The following HECW2 variants were observed in gnomAD, a reference collection of about 807,000 sequenced individuals.
HECW2 encodes HECT, C2 and WW domain containing E3 ubiquitin protein ligase 2, also known as E3 ubiquitin-protein ligase HECW2.
A neutral mutation model predicts 175.2 loss-of-function variants in HECW2; 61 were observed. That is an observed-to-expected ratio of 0.35 (90% CI 0.28 to 0.43). The LOEUF is 0.43. HECW2 is among the 20% of genes least tolerant of loss of function. The pLI is 1.00. For missense variants in HECW2, 1,524 were observed against 2,000.5 expected (o/e 0.76, Z 4.54); for synonymous variants, 671 against 731.0 (o/e 0.92, Z 1.32).
At chr2:196,216,237 C>T (rs1460532659) in intron 27 of HECW2, among the ~76,000 whole-genome samples, 1 of 152,192 alleles carries the variant, frequency 6.6e-6, no homozygotes. Flanking sequence ...ATGCAGCTGA[C>T]CAGCTCAGAA....
At chr2:196,277,563 T>C (rs1224764870) in intron 15 of HECW2, among the ~76,000 whole-genome samples, 1 of 152,134 alleles carries the variant, frequency 6.6e-6, no homozygotes, top group East Asian at 1.9e-4. Flanking sequence ...TGGAAGACAG[T>C]GTGGCGATTC....
chr2:196,531,109 T>G, intron 1 of HECW2, among the ~76,000 whole-genome samples: 1 of 152,232 alleles, frequency 6.6e-6, no homozygotes, highest in South Asian at 2.1e-4. Flanking sequence ...TTTTACGCAC[T>G]GTGGTTCATT....
At chr2:196,583,755 G>T (rs1400766490) in intron 1 of HECW2, among the ~76,000 whole-genome samples, 1 of 152,174 alleles carries the variant, frequency 6.6e-6, no homozygotes, top group Non-Finnish European at 1.5e-5. Context: ...AGAAATAGAT[G>T]GTTCCTTTAG....
chr2:196,354,447 T>G (rs951348564), intron 2 of HECW2, among the ~76,000 whole-genome samples: 4 of 152,268 alleles, frequency 2.6e-5, no homozygotes, highest in African/African-American at 9.6e-5. Context: ...TGGCCCTGGG[T>G]TCCACACTGG....
chr2:196,420,407 G>GT (rs1470965140), intron 2 of HECW2, among the ~76,000 whole-genome samples: 1 of 152,214 alleles, frequency 6.6e-6, no homozygotes, highest in Non-Finnish European at 1.5e-5. Flanking sequence ...GATTGCAAGC[G>GT]TAAGATTGGT....
intron 2 of HECW2, among the ~76,000 whole-genome samples, chr2:196,385,443 C>G (rs924792052): frequency 2.6e-5 from 4 of 152,154 alleles, no homozygotes; most frequent in Non-Finnish European, 5.9e-5. Context: ...TGCAGAACTT[C>G]TTCCTAAAAT....
At chr2:196,367,419 A>G (rs1693774179) in intron 2 of HECW2, among the ~76,000 whole-genome samples, 1 of 152,188 alleles carries the variant, frequency 6.6e-6, no homozygotes, top group South Asian at 2.1e-4. Context: ...CAGGCATACA[A>G]TGCATAATAA....
chr2:196,443,340 T>G (rs918835259), intron 1 of HECW2, among the ~76,000 whole-genome samples: 1 of 152,166 alleles, frequency 6.6e-6, no homozygotes, highest in East Asian at 1.9e-4. Context: ...GACCCTTAAA[T>G]GTGTAACGAG....
At chr2:196,247,637 G>A (rs1229401487) in intron 19 of HECW2, among the ~76,000 whole-genome samples, 1 of 152,178 alleles carries the variant, frequency 6.6e-6, no homozygotes. Flanking sequence ...CAGGTCTAAA[G>A]AACTTCTATA....
At chr2:196,283,368 G>C (rs1002869820) in intron 14 of HECW2, among the ~76,000 whole-genome samples, 8 of 149,624 alleles carry the variant, frequency 5.3e-5, no homozygotes, top group African/African-American at 2.0e-4. Context: ...CTTTATGTGA[G>C]AGAATACACT....
chr2:196,491,910 T>C (rs866298372), intron 1 of HECW2, among the ~76,000 whole-genome samples: 1 of 152,148 alleles, frequency 6.6e-6, no homozygotes, highest in Non-Finnish European at 1.5e-5. Flanking sequence ...CAAAGCACTA[T>C]AATTCCAGAT....
chr2:196,450,728 G>A (rs997050725), intron 1 of HECW2, among the ~76,000 whole-genome samples: 2 of 151,834 alleles, frequency 1.3e-5, no homozygotes, highest in Admixed American at 6.6e-5. Context: ...TGATCCACCC[G>A]CCTCAGCCTC....
intron 1 of HECW2, among the ~76,000 whole-genome samples, chr2:196,438,790 T>C (rs960141861): frequency 1.3e-5 from 2 of 152,220 alleles, no homozygotes; most frequent in Non-Finnish European, 2.9e-5. Flanking sequence ...TGGAGGGTTT[T>C]CTGGGGATAG....
At chr2:196,205,084 C>T (rs1320166307) in intron 28 of HECW2, among the ~76,000 whole-genome samples, 1 of 152,182 alleles carries the variant, frequency 6.6e-6, no homozygotes, top group African/African-American at 2.4e-5. Context: ...AAGGCTATTG[C>T]TGCTTCATAA....
Position 196,199,187 on chromosome 2 carries a change from C to T in HECW2, c.*2090G>A, listed in dbSNP as rs953692859. ...ATCTTGTATACCATCAAATATGTGA[C>T]TTAAAAAAAAGTGTGTTATACTACT... On this transcript the variant is annotated 3_prime_UTR_variant, in exon 29 of 29. Transcript: ENST00000644978. The T allele has an allele frequency of 4.0e-5, 6 of 151,448 alleles. No individual in the cohort carries two copies. The East Asian group carries it at 9.7e-4, about 24-fold the overall frequency. 9.4% of individuals were successfully genotyped at this position (151,448 alleles called of 1,614,324 possible). A position where few individuals can be genotyped will look rare whatever the true frequency, so the allele number is the denominator to read the frequency against.
At chr2:196,226,016 C>T in intron 22 of HECW2, 146 bp from the exon 23 acceptor site, 1 of 597,678 alleles carries the variant, frequency 1.7e-6, no homozygotes, top group Admixed American at 2.9e-5. Flanking sequence ...TTGTAGGCAC[C>T]ATGGGCTGTG....
rs778348590 is a variant in HECW2 at position 196,273,049 on chromosome 2, A to ATTTTTTTTTTTTTTT, written c.3238+957_3238+971dup. 4.3e-4 allele frequency among the ~76,000 whole-genome samples: 49 copies of ATTTTTTTTTTTTTTT among 113,112 alleles called. 3 individuals are homozygous for ATTTTTTTTTTTTTTT. Among genetic ancestry groups the ATTTTTTTTTTTTTTT allele is most frequent in the African/African-American group, 1.5e-3 (38 of 26,008 alleles). 74.2% of individuals were successfully genotyped at this position (113,112 alleles called of 152,430 possible). On this transcript the variant is annotated intron_variant, in intron 16 of 28. Coordinates refer to ENST00000644978, the MANE Select transcript of HECW2 (RefSeq NM_001348768.2). ...CAAAGATAAATGGAGAGCTGGTCTAATTTTTTTTTTTTTTTTTTTTTTTTT... is the reference window on the plus strand; with the variant it reads ...CAAAGATAAATGGAGAGCTGGTCTAATTTTTTTTTTTTTTTTTTTTTTTTTTTTTTTTTTTTTTTT...
At chr2:196,307,036 G>C (rs1033790418) in intron 12 of HECW2, 94 bp downstream of exon 12, 5 of 833,428 alleles carry the variant, frequency 6.0e-6, no homozygotes, top group Non-Finnish European at 7.7e-6. Context: ...AAGAGCAAAA[G>C]TTCTCCAAAA....
intron 17 of HECW2, among the ~76,000 whole-genome samples, chr2:196,267,798 G>A (rs1486509806): frequency 6.6e-6 from 1 of 152,080 alleles, no homozygotes; most frequent in Non-Finnish European, 1.5e-5. Context: ...AAGTAAAGAG[G>A]TATACCTACT....
Sources: allele counts gnomAD v4.1 joint callset (sites outside exome capture counted in the v4.1 genomes callset), GRCh38; gene constraint gnomAD v4.1.1; transcripts MANE v1.5; gene names NCBI Gene and HGNC (gene_info 2026-07-23, HGNC 2026-07-21).